The following ZNF385D variants were observed in gnomAD, a reference collection of about 807,000 sequenced individuals.
ZNF385D encodes the protein zinc finger protein 385D.
A neutral mutation model predicts 35.8 loss-of-function variants in ZNF385D; 15 were observed. The observed-to-expected ratio is 0.42, with a 90% CI of 0.28 to 0.64. The LOEUF (loss-of-function observed/expected upper bound fraction) is 0.64. Ranked by LOEUF, ZNF385D falls within the 30% of genes least tolerant of loss-of-function variation. The pLI is 0.23. For missense variants in ZNF385D, 474 were observed against 494.6 expected (o/e 0.96, Z 0.39); for synonymous variants, 212 against 186.8 (o/e 1.13, Z -1.10).
At chr3:21,849,758 A>G (rs1024789162) in intron 3 of ZNF385D, 1 of 151,878 alleles carries the variant, frequency 6.6e-6, no homozygotes, top group Non-Finnish European at 1.5e-5. Flanking sequence ...TTCTAATTGA[A>G]TATTATTGAG....
chr3:22,217,279 T>C (rs890072529), intron 2 of ZNF385D, among the ~76,000 whole-genome samples: 11 of 152,124 alleles, frequency 7.2e-5, no homozygotes. Flanking sequence ...TGTTTTCCCT[T>C]CCCTTTTTCT....
At chr3:22,277,781 G>T (rs566628324) in intron 2 of ZNF385D, among the ~76,000 whole-genome samples, 1 of 152,202 alleles carries the variant, frequency 6.6e-6, no homozygotes, top group South Asian at 2.1e-4. Flanking sequence ...GCTCTCTGAA[G>T]ATATGGCATT....
At chr3:22,295,688 CT>C (rs1450131457) in intron 2 of ZNF385D, among the ~76,000 whole-genome samples, 3 of 152,208 alleles carry the variant, frequency 2.0e-5, no homozygotes, top group African/African-American at 4.8e-5. Flanking sequence ...AATCCGCCCC[CT>C]TTTGATTACT....
rs144281864 is a variant in ZNF385D at position 21,922,910 on chromosome 3, A to G, written c.325+245907T>C. Among the ~76,000 whole-genome samples, 315 of 152,306 alleles carry G rather than the reference A, an allele frequency of 2.1e-3. 1 individual carries two copies. The highest frequency in any genetic ancestry group is 3.4e-3 in the Middle Eastern group (1 of 294). ...CTGACCAAGGTCTAATATGGAATCT[A>G]TAGGGAACTTCAATAGCTGAACAAA... On this transcript the variant is annotated intron_variant, in intron 3 of 5. Transcript: ENST00000494108.
chr3:22,079,823 C>T (rs969994470), intron 3 of ZNF385D, among the ~76,000 whole-genome samples: 96 of 151,696 alleles, frequency 6.3e-4, no homozygotes, highest in East Asian at 3.9e-4. Flanking sequence ...AAAAGACATA[C>T]GTATGAAATG....
At chr3:21,826,856 G>A (rs1246613775) in intron 3 of ZNF385D, among the ~76,000 whole-genome samples, 1 of 151,696 alleles carries the variant, frequency 6.6e-6, no homozygotes, top group Non-Finnish European at 1.5e-5. Flanking sequence ...TGTAGAACAA[G>A]GTTGTGAGTG....
chr3:21,998,565 A>G (rs1695632022), intron 3 of ZNF385D, among the ~76,000 whole-genome samples: 1 of 152,202 alleles, frequency 6.6e-6, no homozygotes. Context: ...AGATATCTTT[A>G]ACTATTGTTT....
At chr3:21,474,899 G>A (rs558053935) in intron 4 of ZNF385D, among the ~76,000 whole-genome samples, 1 of 152,074 alleles carries the variant, frequency 6.6e-6, no homozygotes, top group South Asian at 2.1e-4. Flanking sequence ...TTAGGACTAA[G>A]ACATATCTGG....
At chr3:22,110,177 C>T (rs1243086648) in intron 3 of ZNF385D, among the ~76,000 whole-genome samples, 2 of 152,096 alleles carry the variant, frequency 1.3e-5, no homozygotes, top group East Asian at 3.9e-4. Flanking sequence ...GGAACACTTT[C>T]ATACTGTTGG....
Position 21,581,356 on chromosome 3 carries a change from C to T in ZNF385D, c.166-16672G>A, listed in dbSNP as rs564648525. ...CAAGACTTCCTCTAGTCTCTAGAGT[C>T]GGCAAAGCTAATACAGTCCTTCAAG... On this transcript the variant is annotated intron_variant, in intron 2 of 7. Coordinates refer to ENST00000281523, the MANE Select transcript of ZNF385D (RefSeq NM_024697.3). Among the ~76,000 whole-genome samples, 5 of 152,222 alleles carry T rather than the reference C, an allele frequency of 3.3e-5. No homozygotes were observed. In the South Asian group the frequency reaches 8.3e-4, roughly 25 times the overall value.
intron 2 of ZNF385D, among the ~76,000 whole-genome samples, chr3:22,256,432 T>A (rs1700321605): frequency 6.6e-6 from 1 of 151,714 alleles, no homozygotes; most frequent in Non-Finnish European, 1.5e-5. Context: ...TTAATCTTCA[T>A]AAAATTGAAT....
chr3:21,804,101 C>A (rs1449411039), intron 3 of ZNF385D, among the ~76,000 whole-genome samples: 1 of 151,974 alleles, frequency 6.6e-6, no homozygotes, highest in African/African-American at 2.4e-5. Context: ...TCAGTGCTGC[C>A]ACAAGGAAAA....
chr3:21,757,438 T>C (rs2335436), intron 3 of ZNF385D, among the ~76,000 whole-genome samples: 122,338 of 151,946 alleles, frequency 0.81, 49,807 homozygotes, highest in East Asian at 0.98. Flanking sequence ...CCACCACACC[T>C]GGCCTAAATT....
At chr3:22,262,243 G>T (rs542162089) in intron 2 of ZNF385D, among the ~76,000 whole-genome samples, 4 of 152,000 alleles carry the variant, frequency 2.6e-5, no homozygotes, top group South Asian at 4.2e-4. Context: ...GAGCTATTCT[G>T]TGAGAATCTT....
intron 2 of ZNF385D, among the ~76,000 whole-genome samples, chr3:21,583,962 A>ATTT (rs1294520122): frequency 9.9e-6 from 1 of 100,948 alleles, no homozygotes; most frequent in African/African-American, 4.6e-5. Context: ...TTATTTACTT[A>ATTT]TTTATTTATT....
intron 3 of ZNF385D, among the ~76,000 whole-genome samples, chr3:22,160,976 A>C (rs2125739776): frequency 6.6e-6 from 1 of 152,220 alleles, no homozygotes; most frequent in East Asian, 1.9e-4. Flanking sequence ...TGTCTTTCAA[A>C]ATGCTGCTAT....
Position 21,650,192 on chromosome 3 carries a change from G to T in ZNF385D, c.165+14694C>A, listed in dbSNP as rs560867528. 2.0e-5 allele frequency among the ~76,000 whole-genome samples: 3 copies of T among 152,270 alleles called. No individual in the cohort carries two copies. In the South Asian group the frequency reaches 6.2e-4, roughly 32 times the overall value. Reference sequence around the variant, plus strand: ...AAGCACAGTATAAAGAATTATATATGTAATAAAACATTTCCATGAAACTAC... The same window carrying T: ...AAGCACAGTATAAAGAATTATATATTTAATAAAACATTTCCATGAAACTAC... On this transcript the variant is annotated intron_variant, in intron 2 of 7. Transcript: ENST00000281523.
Position 21,423,948 on chromosome 3 carries a change from C to T in ZNF385D, c.954+15G>A. 6.2e-7 allele frequency: 1 copy of T among 1,603,716 alleles called. No individual in the cohort carries two copies. The highest frequency in any genetic ancestry group is 8.5e-7 in the Non-Finnish European group (1 of 1,176,280). On this transcript the variant is annotated intron_variant, in intron 7 of 7. Transcript: ENST00000281523. ...TTTGGGAATAGAGGCTGGACTCTTG[C>T]AAAATGACACTCACCCCCAGTGGAT...
chr3:22,155,452 G>A (rs1705523908), intron 3 of ZNF385D, among the ~76,000 whole-genome samples: 1 of 151,970 alleles, frequency 6.6e-6, no homozygotes, highest in Non-Finnish European at 1.5e-5. Context: ...AATATTTTAT[G>A]GCAGTAGGAA....
Sources: allele counts gnomAD v4.1 joint callset (sites outside exome capture counted in the v4.1 genomes callset), GRCh38; gene constraint gnomAD v4.1.1; transcripts MANE v1.5; gene names NCBI Gene and HGNC (gene_info 2026-07-23, HGNC 2026-07-21).